CSMD1: variants seen among roughly 807,000 people sequenced by gnomAD.
CSMD1 encodes the protein CUB and Sushi multiple domains 1, also known as CUB and sushi domain-containing protein 1.
CSMD1 carries 213 observed loss-of-function variants against 417.5 expected under a neutral mutation model. That is an observed-to-expected ratio of 0.51 (90% CI 0.46 to 0.57). The LOEUF (loss-of-function observed/expected upper bound fraction) is 0.57, where lower values mean the gene tolerates loss of function less well. Among genes scored for constraint, CSMD1 ranks in the 20% least tolerant of loss-of-function variants. The pLI is 0.00. For missense variants in CSMD1, 6,923 were observed against 4,529.7 expected, an observed-to-expected ratio of 1.53 and a Z score of -15.17; for synonymous variants, 2,862 against 1,736.8, an observed-to-expected ratio of 1.65 and a Z score of -16.11.
chr8:4,464,418 T>G (rs1217051079), intron 2 of CSMD1, among the ~76,000 whole-genome samples: 1 of 152,202 alleles, frequency 6.6e-6, no homozygotes, highest in Non-Finnish European at 1.5e-5. Flanking sequence ...AGCTTAGCCT[T>G]GCCTACCTTA....
chr8:4,344,101 C>G (rs137858284), intron 3 of CSMD1, among the ~76,000 whole-genome samples: 2 of 152,052 alleles, frequency 1.3e-5, no homozygotes, highest in Non-Finnish European at 2.9e-5. Context: ...ACCAGCACCT[C>G]GAGTAAAAGG....
intron 1 of CSMD1, among the ~76,000 whole-genome samples, chr8:4,800,960 AC>A (rs1457322317): frequency 6.6e-6 from 1 of 152,192 alleles, no homozygotes; most frequent in East Asian, 1.9e-4. Flanking sequence ...TTAAAAGCAG[AC>A]TTCTTTCCTT....
chr8:3,385,690 T>C (rs898898740), intron 18 of CSMD1, among the ~76,000 whole-genome samples: 2 of 152,186 alleles, frequency 1.3e-5, no homozygotes, highest in African/African-American at 4.8e-5. Context: ...CGATATATTA[T>C]TTTAGAGTTT....
At chr8:3,187,780 C>A in intron 36 of CSMD1, 89 bp downstream of exon 36, 1 of 932,518 alleles carries the variant, frequency 1.1e-6, no homozygotes, top group South Asian at 1.4e-5. Flanking sequence ...AGGAAAATTT[C>A]TATGTGGAGT....
At chr8:4,120,896 G>T (rs918663721) in intron 3 of CSMD1, among the ~76,000 whole-genome samples, 6 of 152,040 alleles carry the variant, frequency 3.9e-5, no homozygotes, top group African/African-American at 1.2e-4. Context: ...ATACACCATG[G>T]AATTTATTTA....
chr8:3,020,663 G>A (rs1454338180), intron 51 of CSMD1, among the ~76,000 whole-genome samples: 1 of 152,118 alleles, frequency 6.6e-6, no homozygotes, highest in African/African-American at 2.4e-5. Flanking sequence ...TAATTAAGCT[G>A]TCTTTACTCC....
chr8:4,035,015 A>AT (rs1199183322), intron 3 of CSMD1, among the ~76,000 whole-genome samples: 1 of 152,158 alleles, frequency 6.6e-6, no homozygotes, highest in African/African-American at 2.4e-5. Flanking sequence ...GCCTGAAATT[A>AT]TTTTTTTCAA....
intron 1 of CSMD1, among the ~76,000 whole-genome samples, chr8:4,757,154 A>T (rs1394492461): frequency 1.3e-5 from 2 of 152,210 alleles, no homozygotes; most frequent in African/African-American, 4.8e-5. Flanking sequence ...GAATAACCAG[A>T]TTTCACTTCT....
Position 4,371,324 on chromosome 8 carries a change from C to A in CSMD1, c.415+48629G>T, listed in dbSNP as rs188959973. 1.4e-4 allele frequency among the ~76,000 whole-genome samples: 21 copies of A among 152,106 alleles called. 1 individual carries two copies. The highest frequency in any genetic ancestry group is 5.1e-4 in the African/African-American group (21 of 41,420). On this transcript the variant is annotated intron_variant, in intron 3 of 69. Coordinates refer to ENST00000635120, the MANE Select transcript of CSMD1 (RefSeq NM_033225.6). ...GGCCAAGATACTCACAGACTACTGG[C>A]AACAGGCAAGTTAAAGTTTTAAATG... is the stretch of plus-strand genomic sequence containing the variant.
chr8:4,721,795 G>A (rs1225509280), intron 1 of CSMD1, among the ~76,000 whole-genome samples: 1 of 152,142 alleles, frequency 6.6e-6, no homozygotes, highest in Non-Finnish European at 1.5e-5. Context: ...GCCAAGGTAT[G>A]TAAAGAACCT....
chr8:3,320,827 G>A (rs4875611), intron 23 of CSMD1, among the ~76,000 whole-genome samples: 3 of 152,142 alleles, frequency 2.0e-5, no homozygotes, highest in East Asian at 3.9e-4. Flanking sequence ...GAGCGAGGGC[G>A]CAGGGTCATC....
chr8:4,770,603 C>T lies in CSMD1; in HGVS notation c.86-133045G>A, dbSNP rs892315640. 5.9e-5 allele frequency among the ~76,000 whole-genome samples: 9 copies of T among 151,854 alleles called. No homozygotes were observed. In the East Asian group the frequency reaches 7.8e-4, roughly 13 times the overall value. ...TAGTAATCAAAACCTATGGCATTGG[C>T]ATAAGAAAAGGCACATGGACCAGCG... On this transcript the variant is annotated intron_variant, in intron 1 of 69. Transcript: ENST00000635120.
chr8:4,660,699 C>CG (rs1554436553), intron 1 of CSMD1, among the ~76,000 whole-genome samples: 4 of 152,104 alleles, frequency 2.6e-5, no homozygotes, highest in Admixed American at 2.0e-4. Flanking sequence ...AGCTACAGAC[C>CG]GCAGAAAGTA....
chr8:4,232,659 T>C (rs887069349), intron 3 of CSMD1, among the ~76,000 whole-genome samples: 3 of 152,116 alleles, frequency 2.0e-5, no homozygotes, highest in Admixed American at 6.6e-5. Flanking sequence ...TCTTACTTTC[T>C]TAACTAAAAC....
intron 34 of CSMD1, 116 bp downstream of exon 34, chr8:3,189,796 C>T (rs1796304723): frequency 3.4e-6 from 3 of 875,018 alleles, no homozygotes; most frequent in East Asian, 5.3e-5. Context: ...AACAAACTGC[C>T]CTTTAAATGG....
intron 5 of CSMD1, among the ~76,000 whole-genome samples, chr8:3,867,129 G>C (rs1299231579): frequency 2.0e-5 from 3 of 151,884 alleles, no homozygotes; most frequent in Non-Finnish European, 4.4e-5. Flanking sequence ...CTACTATACT[G>C]TTTTTCCACT....
chr8:4,721,431 T>A (rs1369852952), intron 1 of CSMD1, among the ~76,000 whole-genome samples: 2 of 152,204 alleles, frequency 1.3e-5, no homozygotes, highest in Non-Finnish European at 1.5e-5. Flanking sequence ...AATCAGATTC[T>A]GAACAATTTG....
At chr8:4,151,605 G>A (rs1464637669) in intron 3 of CSMD1, among the ~76,000 whole-genome samples, 1 of 152,090 alleles carries the variant, frequency 6.6e-6, no homozygotes, top group African/African-American at 2.4e-5. Context: ...GTTTCTCATG[G>A]ATTGTGACAT....
intron 2 of CSMD1, among the ~76,000 whole-genome samples, chr8:4,520,576 G>A (rs1480986516): frequency 6.6e-6 from 1 of 152,032 alleles, no homozygotes; most frequent in African/African-American, 2.4e-5. Flanking sequence ...TAATCAGAGT[G>A]GTTATGTCCT....
Sources: allele counts gnomAD v4.1 joint callset (sites outside exome capture counted in the v4.1 genomes callset), GRCh38; gene constraint gnomAD v4.1.1; transcripts MANE v1.5; gene names NCBI Gene and HGNC (gene_info 2026-07-23, HGNC 2026-07-21).